NOVA1: variants seen among roughly 807,000 people sequenced by gnomAD.
The protein encoded by NOVA1 is NOVA alternative splicing regulator 1, also known as RNA-binding protein Nova-1.
NOVA1 carries 7 observed loss-of-function variants against 38.0 expected under a neutral mutation model. That is an observed-to-expected ratio of 0.18 (90% CI 0.10 to 0.35). The LOEUF (loss-of-function observed/expected upper bound fraction) is 0.35. Ranked by LOEUF, NOVA1 falls within the 10% of genes least tolerant of loss-of-function variation. NOVA1 has a pLI of 1.00. For synonymous variants in NOVA1, 270 were observed against 232.5 expected, an observed-to-expected ratio of 1.16 and a Z score of -1.47; for missense variants, 460 against 616.0, an observed-to-expected ratio of 0.75 and a Z score of 2.68.
At chr14:26,481,038 T>C (rs1222701876) in intron 2 of NOVA1, among the ~76,000 whole-genome samples, 1 of 152,104 alleles carries the variant, frequency 6.6e-6, no homozygotes, top group Non-Finnish European at 1.5e-5. Flanking sequence ...ACTTTACAGA[T>C]ATACATTAAG....
intron 2 of NOVA1, among the ~76,000 whole-genome samples, chr14:26,576,257 A>G (rs1250884852): frequency 6.6e-6 from 1 of 151,794 alleles, no homozygotes; most frequent in Non-Finnish European, 1.5e-5. Flanking sequence ...ATGAACAGGT[A>G]TTATTCAGAA....
intron 2 of NOVA1, among the ~76,000 whole-genome samples, chr14:26,480,883 A>G (rs925770510): frequency 6.6e-6 from 1 of 152,082 alleles, no homozygotes; most frequent in Non-Finnish European, 1.5e-5. Flanking sequence ...TAAATAGTTT[A>G]TGAAACTTGA....
In NOVA1 at chr14:26,552,917, T is replaced by C. The variant is rs536180714; in HGVS notation, c.280+42493A>G. 3.3e-5 allele frequency among the ~76,000 whole-genome samples: 5 copies of C among 152,254 alleles called. No individual in the cohort carries two copies. In the South Asian group the frequency reaches 1.0e-3, roughly 32 times the overall value. On this transcript the variant is annotated intron_variant, in intron 2 of 4. Transcript: ENST00000539517. ...GCAGATGGTAGAATGATAGCAAAGC[T>C]CTGAGATAGGAACATGCGATCAAAA...
chr14:26,462,180 G>A (rs1383481336), intron 4 of NOVA1, among the ~76,000 whole-genome samples: 1 of 151,816 alleles, frequency 6.6e-6, no homozygotes, highest in Non-Finnish European at 1.5e-5. Context: ...TATCTAAAAG[G>A]ATAATCATCC....
At chr14:26,563,291 T>C (rs1416915647) in intron 2 of NOVA1, among the ~76,000 whole-genome samples, 2 of 150,878 alleles carry the variant, frequency 1.3e-5, no homozygotes, top group African/African-American at 2.4e-5. Flanking sequence ...TTAGAACTGA[T>C]GGTTACAACC....
intron 4 of NOVA1, among the ~76,000 whole-genome samples, chr14:26,455,118 T>G (rs964029162): frequency 6.6e-6 from 1 of 152,198 alleles, no homozygotes; most frequent in Non-Finnish European, 1.5e-5. Flanking sequence ...TTGTTTAATC[T>G]ACTTTTGATA....
chr14:26,596,034 G>C, intron 1 of NOVA1: 1 of 273,910 alleles, frequency 3.7e-6, no homozygotes, highest in Non-Finnish European at 7.2e-6. Flanking sequence ...ACTACAATTA[G>C]CCATTGCCTA....
rs1405273120 is a variant in NOVA1, at chr14:26,525,916, CT to C, written c.281-45774del. Among the ~76,000 whole-genome samples, 6 of 152,020 alleles carry C rather than the reference CT, an allele frequency of 3.9e-5. No homozygotes were observed. In the East Asian group the frequency reaches 1.2e-3, roughly 29 times the overall value. On this transcript the variant is annotated intron_variant, in intron 2 of 4. Transcript: ENST00000539517. ...AGTAGTATGGCCAATAATACACATT[CT>C]TTTACTTGAGATTCTAAAATCAAAT...
chr14:26,511,589 T>C (rs576880518), intron 2 of NOVA1, among the ~76,000 whole-genome samples: 272 of 151,960 alleles, frequency 1.8e-3, no homozygotes, highest in Non-Finnish European at 3.4e-3. Context: ...CTGTCTCTAC[T>C]AAAAATACAA....
At position 26,579,053 on chromosome 14, in the gene NOVA1, C is replaced by CTTTTTT. The variant is rs869075814; in HGVS notation, c.280+16351_280+16356dup. ...TTTTTTTTCCATAGCAGGTGGTATTCTTTTTTTTTTTTTTTTTTTTTTTGA... is the reference window on the plus strand; with the variant it reads ...TTTTTTTTCCATAGCAGGTGGTATTCTTTTTTTTTTTTTTTTTTTTTTTTTTTTTGA... On this transcript the variant is annotated intron_variant, in intron 2 of 4. Transcript: ENST00000539517. 6.9e-4 allele frequency among the ~76,000 whole-genome samples: 55 copies of CTTTTTT among 80,084 alleles called. 2 individuals are homozygous for CTTTTTT. Among genetic ancestry groups the CTTTTTT allele is most frequent in the South Asian group, 1.1e-3 (2 of 1,802 alleles). 52.5% of individuals were successfully genotyped at this position (80,084 alleles called of 152,430 possible).
chr14:26,460,274 T>G (rs1883541145), intron 4 of NOVA1, among the ~76,000 whole-genome samples: 2 of 151,564 alleles, frequency 1.3e-5, no homozygotes, highest in South Asian at 4.2e-4. Context: ...TACATTAGTA[T>G]TTCATTAATA....
At position 26,597,493 on chromosome 14, in the gene NOVA1, T is replaced by G; in HGVS notation, c.-57A>C. The G allele has an allele frequency of 1.6e-6, 2 of 1,242,256 alleles. No individual in the cohort carries two copies. The highest frequency in any genetic ancestry group is 8.2e-5 in the South Asian group (2 of 24,318). 77.0% of individuals were successfully genotyped at this position (1,242,256 alleles called of 1,614,324 possible). A position where few individuals can be genotyped will look rare whatever the true frequency, so the allele number is the denominator to read the frequency against. On this transcript the variant is annotated 5_prime_UTR_variant, in exon 1 of 5. Coordinates refer to ENST00000539517, the MANE Select transcript of NOVA1 (RefSeq NM_002515.3). The stretch of plus-strand genomic sequence containing the variant: ...AGGTTCTCCCTTTTGTTTTGGCTTT[T>G]TCTTTTCTTTTTTCTTTTTTTTTTT...
At chr14:26,595,846 C>A in intron 1 of NOVA1, 3 of 337,808 alleles carry the variant, frequency 8.9e-6, no homozygotes, top group Admixed American at 4.3e-5. Context: ...AGTTGTTATT[C>A]CAAACATGGA....
chr14:26,538,942 G>A (rs1890279696), intron 2 of NOVA1, among the ~76,000 whole-genome samples: 1 of 152,054 alleles, frequency 6.6e-6, no homozygotes, highest in Non-Finnish European at 1.5e-5. Flanking sequence ...CTGATCCAAG[G>A]ACGTTTTTCT....
intron 2 of NOVA1, among the ~76,000 whole-genome samples, chr14:26,576,284 GCTTC>G (rs1229622333): frequency 6.6e-6 from 1 of 151,182 alleles, no homozygotes; most frequent in Non-Finnish European, 1.5e-5. Flanking sequence ...TACTCCTCTT[GCTTC>G]CTTTTTTATT....
intron 2 of NOVA1, among the ~76,000 whole-genome samples, chr14:26,490,352 T>G (rs976394029): frequency 6.6e-6 from 1 of 152,200 alleles, no homozygotes; most frequent in Non-Finnish European, 1.5e-5. Context: ...TTCTCAATTA[T>G]TCTGTGTACA....
At chr14:26,487,032 A>G (rs1885972762) in intron 2 of NOVA1, among the ~76,000 whole-genome samples, 1 of 152,130 alleles carries the variant, frequency 6.6e-6, no homozygotes, top group Non-Finnish European at 1.5e-5. Context: ...TTATAAATAG[A>G]TGATTTACAT....
chr14:26,476,308 A>ATT (rs1473382892), intron 3 of NOVA1, among the ~76,000 whole-genome samples: 1 of 152,178 alleles, frequency 6.6e-6, no homozygotes, highest in Non-Finnish European at 1.5e-5. Flanking sequence ...AACAAACAGC[A>ATT]TAAGTGACTT....
intron 4 of NOVA1, chr14:26,472,064 G>C (rs1255238863): frequency 6.5e-6 from 3 of 458,784 alleles, no homozygotes; most frequent in Non-Finnish European, 1.1e-5. Flanking sequence ...GCTCCATTAG[G>C]TAGTCAAATT....
Sources: allele counts gnomAD v4.1 joint callset (sites outside exome capture counted in the v4.1 genomes callset), GRCh38; gene constraint gnomAD v4.1.1; transcripts MANE v1.5; gene names NCBI Gene and HGNC (gene_info 2026-07-23, HGNC 2026-07-21).